CDK14: variants seen among roughly 807,000 people sequenced by gnomAD.
The protein encoded by CDK14 is cyclin dependent kinase 14, also known as cyclin-dependent kinase 14.
In CDK14, 34 loss-of-function variants were observed where a neutral mutation model predicts 60.7. The observed-to-expected ratio is 0.56, with a 90% confidence interval of 0.43 to 0.75. The LOEUF (loss-of-function observed/expected upper bound fraction) is 0.75, where lower values mean the gene tolerates loss of function less well. CDK14 is among the 30% of genes least tolerant of loss of function. The probability of loss-of-function intolerance (pLI) is 0.00; values close to 1 mark genes in which losing one functional copy is unlikely to be tolerated. For missense variants in CDK14, 482 were observed against 564.1 expected (o/e 0.85, Z 1.47); for synonymous variants, 197 against 203.7 (o/e 0.97, Z 0.28).
At chr7:91,193,723 A>G (rs1584199041) in intron 14 of CDK14, among the ~76,000 whole-genome samples, 1 of 152,102 alleles carries the variant, frequency 6.6e-6, no homozygotes, top group Admixed American at 6.6e-5. Flanking sequence ...GGTTATATAT[A>G]TAACTACATA....
At chr7:90,635,196 G>A (rs1584756640) in intron 2 of CDK14, among the ~76,000 whole-genome samples, 1 of 152,302 alleles carries the variant, frequency 6.6e-6, no homozygotes, top group Middle Eastern at 3.4e-3. Context: ...TTTTAGACAC[G>A]AAGTCCTTGC....
intron 14 of CDK14, among the ~76,000 whole-genome samples, chr7:91,151,125 A>C (rs908522160): frequency 6.6e-6 from 1 of 152,154 alleles, no homozygotes. Flanking sequence ...CCTTGGTGGG[A>C]ATACTCCCTG....
In CDK14 at chr7:90,955,588, T is replaced by A. The variant is rs1794386399; in HGVS notation, c.827-109T>A. 3 of 1,219,876 alleles carry A rather than the reference T, an allele frequency of 2.5e-6. No homozygotes were observed. The East Asian group carries it at 7.2e-5, about 29-fold the overall frequency. 75.6% of individuals were successfully genotyped at this position (1,219,876 alleles called of 1,614,324 possible). A position where few individuals can be genotyped will look rare whatever the true frequency, so the allele number is the denominator to read the frequency against. ...TTAACCTTGATACTGCACTCCTGAT[T>A]CTGTATTAAAAGGTCGGGTTTGACC... is the stretch of plus-strand genomic sequence containing the variant. On this transcript the variant is annotated intron_variant, in intron 8 of 14. Coordinates refer to ENST00000380050, the MANE Select transcript of CDK14 (RefSeq NM_001287135.2).
At chr7:90,842,447 C>A (rs1389188097) in intron 5 of CDK14, among the ~76,000 whole-genome samples, 5 of 152,124 alleles carry the variant, frequency 3.3e-5, no homozygotes, top group Admixed American at 1.3e-4. Flanking sequence ...TCTGGTACTG[C>A]AGCCTAGGAA....
intron 14 of CDK14, among the ~76,000 whole-genome samples, chr7:91,149,334 C>T (rs545198163): frequency 2.0e-5 from 3 of 151,904 alleles, no homozygotes; most frequent in African/African-American, 4.8e-5. Flanking sequence ...TTTCTTCATG[C>T]TCTTTCCTTT....
chr7:90,952,423 A>G (rs901600183), intron 8 of CDK14, among the ~76,000 whole-genome samples: 2 of 152,206 alleles, frequency 1.3e-5, no homozygotes, highest in African/African-American at 2.4e-5. Context: ...AGATTCTGCT[A>G]TGCTAGTATC....
chr7:90,698,086 A>AAAAG, intron 2 of CDK14, among the ~76,000 whole-genome samples: 1 of 150,176 alleles, frequency 6.7e-6, no homozygotes, highest in East Asian at 1.9e-4. Flanking sequence ...AAAAAAAAAA[A>AAAAG]AAAGAAAAAG....
At chr7:91,146,243 C>A (rs1169486215) in intron 14 of CDK14, among the ~76,000 whole-genome samples, 6 of 152,190 alleles carry the variant, frequency 3.9e-5, no homozygotes, top group Non-Finnish European at 7.3e-5. Flanking sequence ...CTCTGTTGCC[C>A]AGGCTGGAGT....
intron 8 of CDK14, among the ~76,000 whole-genome samples, chr7:90,945,320 G>A (rs568716272): frequency 2.6e-5 from 4 of 152,208 alleles, no homozygotes; most frequent in South Asian, 4.1e-4. Flanking sequence ...TACCTTTCGA[G>A]TTAGATGTGG....
intron 2 of CDK14, among the ~76,000 whole-genome samples, chr7:90,643,061 G>A (rs1800377595): frequency 6.6e-6 from 1 of 152,182 alleles, no homozygotes; most frequent in Non-Finnish European, 1.5e-5. Flanking sequence ...AGTATGAAAA[G>A]GTGTTTGAGG....
intron 11 of CDK14, among the ~76,000 whole-genome samples, chr7:91,060,524 T>C (rs1797748071): frequency 6.6e-6 from 1 of 152,242 alleles, no homozygotes; most frequent in Non-Finnish European, 1.5e-5. Context: ...GGCATGTTTT[T>C]GCAGTGGCTG....
intron 8 of CDK14, among the ~76,000 whole-genome samples, chr7:90,942,603 T>C (rs1267497576): frequency 2.6e-5 from 4 of 152,174 alleles, no homozygotes; most frequent in Admixed American, 2.6e-4. Context: ...TTTCTTCAGT[T>C]CTCTGAGTTC....
chr7:90,731,118 C>G (rs1212467169), intron 3 of CDK14, among the ~76,000 whole-genome samples: 4 of 149,298 alleles, frequency 2.7e-5, no homozygotes, highest in Non-Finnish European at 4.5e-5. Context: ...GAACCCTTTT[C>G]CTATTGCTTT....
rs551173928 is a variant in CDK14 at position 90,823,675 on chromosome 7, T to C, written c.544+33023T>C. ...AGGCTGGGCATCGGCACTTAGTCAG[T>C]GTGTGAACTTAGGCAGACTGTTTAA... On this transcript the variant is annotated intron_variant, in intron 5 of 14. Coordinates refer to ENST00000380050, the MANE Select transcript of CDK14 (RefSeq NM_001287135.2). Among the ~76,000 whole-genome samples, 100 of 152,288 alleles carry C rather than the reference T, an allele frequency of 6.6e-4. 1 individual carries two copies. The highest frequency in any genetic ancestry group is 2.9e-4 in the Non-Finnish European group (20 of 68,018).
chr7:90,705,370 G>T (rs559900753), intron 2 of CDK14, among the ~76,000 whole-genome samples: 1 of 152,130 alleles, frequency 6.6e-6, no homozygotes, highest in African/African-American at 2.4e-5. Flanking sequence ...TAGAAAAAAA[G>T]TAATTCTCTA....
chr7:90,997,135 G>A (rs1322620979), intron 10 of CDK14, among the ~76,000 whole-genome samples: 1 of 151,914 alleles, frequency 6.6e-6, no homozygotes, highest in Non-Finnish European at 1.5e-5. Context: ...GGACCTCTTG[G>A]TCTCTTTGCC....
intron 2 of CDK14, among the ~76,000 whole-genome samples, chr7:90,621,694 T>TGCC (rs1799773842): frequency 6.6e-6 from 1 of 151,984 alleles, no homozygotes; most frequent in Non-Finnish European, 1.5e-5. Context: ...CCTGCCTTCC[T>TGCC]TCCTTCCTTC....
intron 10 of CDK14, among the ~76,000 whole-genome samples, chr7:90,996,617 T>G (rs1472158893): frequency 6.6e-6 from 1 of 152,224 alleles, no homozygotes; most frequent in African/African-American, 2.4e-5. Flanking sequence ...CTCATTTGTC[T>G]CTTTTGACAA....
At chr7:91,021,829 C>T (rs891093138) in intron 10 of CDK14, among the ~76,000 whole-genome samples, 2 of 152,154 alleles carry the variant, frequency 1.3e-5, no homozygotes, top group African/African-American at 4.8e-5. Context: ...AAGCCTGTGA[C>T]TCTTAAATAT....
Sources: gnomAD v4.1 joint callset for allele counts (sites outside exome capture counted in the v4.1 genomes callset) on GRCh38, gnomAD v4.1.1 for gene constraint, MANE v1.5 for transcripts, NCBI Gene and HGNC (gene_info 2026-07-23, HGNC 2026-07-21) for gene names.